ATM: variants seen among roughly 807,000 people sequenced by gnomAD.
The protein encoded by ATM is ATM serine/threonine kinase.
Under a neutral mutation model 387.0 loss-of-function variants are expected in ATM, and 308 were observed. That is an observed-to-expected ratio of 0.80 (90% CI 0.73 to 0.87). The LOEUF (loss-of-function observed/expected upper bound fraction) is 0.87, where lower values mean the gene tolerates loss of function less well. Among genes scored for constraint, ATM ranks in the 40% least tolerant of loss-of-function variants. ATM has a pLI of 0.00. For synonymous variants in ATM, 1,156 were observed against 1,187.3 expected (o/e 0.97, Z 0.54); for missense variants, 3,312 against 3,560.9 (o/e 0.93, Z 1.78).
At position 108,330,370 on chromosome 11, in the gene ATM, T is replaced by C. The variant is rs1555123227; in HGVS notation, c.7464T>C (p.Cys2488=). The C allele has an allele frequency of 2.5e-6, 4 of 1,614,178 alleles. No individual in the cohort carries two copies. The highest frequency in any genetic ancestry group is 3.4e-6 in the Non-Finnish European group (4 of 1,180,012). ...ATGATATGTGGGTATTCCGACTTTG[T>C]TCCCTCTGGCTTGAAAATTCTGGAG... ...EEHDMWVFRL[C]SLWLENSGVS... is the part of the protein sequence containing the mutation. The change falls in exon 50 of 63, where the codon TGT becomes TGC. Residue 2488 remains cysteine (C), a synonymous_variant. Transcript: ENST00000675843.
At chr11:108,275,327 C>G (rs1318148447) in intron 22 of ATM, among the ~76,000 whole-genome samples, 1 of 152,140 alleles carries the variant, frequency 6.6e-6, no homozygotes, top group Non-Finnish European at 1.5e-5. Context: ...TTGCCAGTCT[C>G]TGTCTTTTAA....
At chr11:108,260,916 T>A (rs1010878123) in intron 16 of ATM, among the ~76,000 whole-genome samples, 2 of 152,148 alleles carry the variant, frequency 1.3e-5, no homozygotes, top group East Asian at 3.9e-4. Context: ...CCCCGAATAC[T>A]GCTCTTTTGC....
rs2135328716 is a variant in ATM, at chr11:108,251,079, T to C, written c.1607+7T>C. 3 of 1,613,938 alleles carry C rather than the reference T, an allele frequency of 1.9e-6. No homozygotes were observed. Among genetic ancestry groups the C allele is most frequent in the Non-Finnish European group, 2.5e-6 (3 of 1,180,002 alleles). On this transcript the variant is annotated splice_region_variant and intron_variant, in intron 10 of 62. Coordinates refer to ENST00000675843, the MANE Select transcript of ATM (RefSeq NM_000051.4). ...CAGCCTGCAGACCTTCATGGTAAGT[T>C]CAGCATGCATTATGTCTGACTTACA...
chr11:108,333,607 G>A (rs137906239), intron 53 of ATM, among the ~76,000 whole-genome samples: 28 of 152,234 alleles, frequency 1.8e-4, no homozygotes, highest in Middle Eastern at 3.4e-3. Flanking sequence ...AAACTATTAC[G>A]TAATTATTTT....
chr11:108,296,782 A>G (rs2135855717), intron 32 of ATM, among the ~76,000 whole-genome samples: 1 of 152,374 alleles, frequency 6.6e-6, no homozygotes, highest in Non-Finnish European at 1.5e-5. Flanking sequence ...GTAAAATTAA[A>G]TGAAATTTGA....
At chr11:108,340,330 TATC>T (rs2087387457) in intron 56 of ATM, 1 of 152,222 alleles carries the variant, frequency 6.6e-6, no homozygotes, top group African/African-American at 2.4e-5. Flanking sequence ...CAAGATGTCA[TATC>T]ATTTCATCTG....
intron 5 of ATM, chr11:108,236,438 C>T (rs1303616208): frequency 6.4e-6 from 1 of 155,174 alleles, no homozygotes; most frequent in East Asian, 1.9e-4. Flanking sequence ...GAGGCTGAGG[C>T]AGGAGGATCA....
intron 13 of ATM, among the ~76,000 whole-genome samples, chr11:108,254,805 C>T (rs1053753729): frequency 6.6e-6 from 1 of 152,054 alleles, no homozygotes; most frequent in Non-Finnish European, 1.5e-5. Context: ...AGTGCTACCA[C>T]GCCCAGGTAA....
At chr11:108,304,336 G>A (rs538017882) in intron 36 of ATM, among the ~76,000 whole-genome samples, 4 of 152,010 alleles carry the variant, frequency 2.6e-5, no homozygotes, top group South Asian at 4.2e-4. Context: ...TGTTACTAAC[G>A]CTTTTCAACT....
In ATM at chr11:108,335,007, A is replaced by G. The variant is rs1292192410; in HGVS notation, c.8049A>G (p.Ile2683Met). ...GAGAATATGGAAATCTGGTGACTAT[A>G]CAGTCATTTAAAGCAGAATTTCGCT... Reference protein sequence around the residue: ...HTGEYGNLVTIQSFKAEFRLA... With the variant: ...HTGEYGNLVTMQSFKAEFRLA... The change falls in exon 55 of 63, where the codon ATA becomes ATG. Residue 2683 changes from isoleucine (I) to methionine (M), a missense_variant. This residue lies in a region of ATM where 1,405 missense variants were observed against 1,604.4 expected (regional missense o/e 0.88). Coordinates refer to ENST00000675843, the MANE Select transcript of ATM (RefSeq NM_000051.4). The G allele has an allele frequency of 6.2e-7, 1 of 1,613,758 alleles. No individual in the cohort carries two copies. The highest frequency in any genetic ancestry group is 1.7e-5 in the Admixed American group (1 of 60,020).
In ATM at chr11:108,265,594, C is replaced by T. The variant is rs201201982; in HGVS notation, c.2467-1577C>T. Among the ~76,000 whole-genome samples the T allele has an allele frequency of 2.0e-3, 299 of 150,546 alleles. 8 individuals carry two copies. In the East Asian group the frequency reaches 0.039, roughly 20 times the overall value. ...ATGGGCAAGGACTTCATGTCTAAAA[C>T]ACCAAAAGCAATGGCAACAAAAGAC... On this transcript the variant is annotated intron_variant, in intron 16 of 62. Coordinates refer to ENST00000675843, the MANE Select transcript of ATM (RefSeq NM_000051.4).
chr11:108,315,771 T>A (rs1000320484), intron 40 of ATM, 52 bp from the exon 41 acceptor site: 15 of 1,467,390 alleles, frequency 1.0e-5, no homozygotes, highest in African/African-American at 7.0e-5. Context: ...TTGCTAAATT[T>A]ATAGACCGAT....
chr11:108,354,771 T>G, intron 60 of ATM, 40 bp from the exon 61 acceptor site: 1 of 1,527,622 alleles, frequency 6.5e-7, no homozygotes, highest in Non-Finnish European at 9.1e-7. Context: ...ACAACATTGG[T>G]GTGTAACAAA....
intron 22 of ATM, among the ~76,000 whole-genome samples, chr11:108,273,836 T>C (rs924969662): frequency 6.6e-6 from 1 of 152,214 alleles, no homozygotes; most frequent in Admixed American, 6.5e-5. Flanking sequence ...TGAAATTTTC[T>C]TTTTCTTGTG....
intron 22 of ATM, among the ~76,000 whole-genome samples, chr11:108,278,373 C>A (rs1350491144): frequency 6.6e-6 from 1 of 151,874 alleles, no homozygotes; most frequent in Non-Finnish European, 1.5e-5. Context: ...TAATATAAGA[C>A]TGAATTGAAT....
At chr11:108,255,195 G>A (rs2080395150) in intron 13 of ATM, among the ~76,000 whole-genome samples, 1 of 152,042 alleles carries the variant, frequency 6.6e-6, no homozygotes, top group Non-Finnish European at 1.5e-5. Flanking sequence ...GAGTGAATTC[G>A]GTAGCCAGGG....
At chr11:108,265,982 C>A (rs1293470701) in intron 16 of ATM, among the ~76,000 whole-genome samples, 2 of 151,468 alleles carry the variant, frequency 1.3e-5, no homozygotes, top group Admixed American at 1.3e-4. Context: ...AGTCAGGAAA[C>A]AACAGGTGCT....
intron 29 of ATM, chr11:108,290,731 A>C (rs2082744430): frequency 6.8e-6 from 1 of 147,886 alleles, no homozygotes; most frequent in African/African-American, 2.5e-5. Context: ...CTGAGGTAGG[A>C]GGATGGCTTG....
At chr11:108,258,334 T>G (rs1414348476) in intron 15 of ATM, among the ~76,000 whole-genome samples, 1 of 152,224 alleles carries the variant, frequency 6.6e-6, no homozygotes, top group Non-Finnish European at 1.5e-5. Flanking sequence ...GAGATTGCCT[T>G]ATGACTTTTA....
Sources: allele counts gnomAD v4.1 joint callset (sites outside exome capture counted in the v4.1 genomes callset), GRCh38; gene constraint gnomAD v4.1.1; regional missense constraint gnomAD v4.1.1; transcripts MANE v1.5; gene names NCBI Gene and HGNC (gene_info 2026-07-23, HGNC 2026-07-21).